The following NEMP2 variants were observed in gnomAD, a reference collection of about 807,000 sequenced individuals.
NEMP2 encodes nuclear envelope integral membrane protein 2.
A neutral mutation model predicts 54.2 loss-of-function variants in NEMP2; 53 were observed. The ratio of observed to expected loss-of-function variants is 0.98; its 90% CI spans 0.78 to 1.23. The LOEUF is 1.23. NEMP2 is among the 50% of genes most tolerant of loss of function. The probability of loss-of-function intolerance (pLI) is 0.00; values close to 1 mark genes in which losing one functional copy is unlikely to be tolerated. For synonymous variants in NEMP2, 197 were observed against 190.3 expected, an observed-to-expected ratio of 1.04 and a Z score of -0.29; for missense variants, 455 against 511.3, an observed-to-expected ratio of 0.89 and a Z score of 1.06.
chr2:190,584,789 T>C, the NEMP2 span, among the ~76,000 whole-genome samples: 1 of 151,940 alleles, frequency 6.6e-6, no homozygotes, highest in Non-Finnish European at 1.5e-5. This position sits in a 1 kb window ranked among gnomAD's most constrained non-coding sequence, Gnocchi z 4.2. Flanking sequence ...GGTGGGAGAA[T>C]AGCTTGAGCC....
At chr2:190,480,651 AG>A in the NEMP2 span, among the ~76,000 whole-genome samples, 1 of 152,230 alleles carries the variant, frequency 6.6e-6, no homozygotes, top group Non-Finnish European at 1.5e-5. Context: ...TAAAGTGCTA[AG>A]GCTTGAATTA....
At chr2:190,635,441 T>C in the NEMP2 span, among the ~76,000 whole-genome samples, 2 of 152,218 alleles carry the variant, frequency 1.3e-5, no homozygotes, top group South Asian at 4.2e-4. The surrounding 1 kb of genome is among the most constrained non-coding windows in gnomAD (Gnocchi z 4.1). Context: ...CTCAAACTCT[T>C]GGCCTCAAGA....
chr2:190,567,676 G>A, the NEMP2 span, among the ~76,000 whole-genome samples: 1 of 152,134 alleles, frequency 6.6e-6, no homozygotes, highest in African/African-American at 2.4e-5. The surrounding 1 kb of genome is among the most constrained non-coding windows in gnomAD (Gnocchi z 4.0). Context: ...TTGAGATGGA[G>A]TCTCGCTCTG....
the NEMP2 span, among the ~76,000 whole-genome samples, chr2:190,543,549 T>C: frequency 1.3e-5 from 2 of 152,302 alleles, no homozygotes; most frequent in South Asian, 4.2e-4. The surrounding 1 kb of genome is among the most constrained non-coding windows in gnomAD (Gnocchi z 4.7). Context: ...GACAGGCAGA[T>C]TGAGGAGAGG....
the NEMP2 span, among the ~76,000 whole-genome samples, chr2:190,613,363 C>A: frequency 4.6e-5 from 7 of 151,800 alleles, no homozygotes; most frequent in Non-Finnish European, 1.0e-4. Context: ...TTATTAAAAA[C>A]AAGCTATAAA....
the NEMP2 span, among the ~76,000 whole-genome samples, chr2:190,606,619 G>A: frequency 2.6e-5 from 4 of 152,338 alleles, no homozygotes; most frequent in South Asian, 8.3e-4. Flanking sequence ...GGCTGAGACA[G>A]GAGAATTGCT....
the NEMP2 span, among the ~76,000 whole-genome samples, chr2:190,545,554 C>T: frequency 6.6e-6 from 1 of 152,208 alleles, no homozygotes; most frequent in Non-Finnish European, 1.5e-5. Context: ...CCTTTCAATT[C>T]AGTTAAGACA....
At chr2:190,641,546 G>A in the NEMP2 span, 1 of 152,720 alleles carries the variant, frequency 6.5e-6, no homozygotes, top group Non-Finnish European at 1.5e-5. Flanking sequence ...GGTGGAGAAG[G>A]GTAAAGCCAA....
At chr2:190,477,035 C>T in the NEMP2 span, among the ~76,000 whole-genome samples, 1,678 of 124,664 alleles carry the variant, frequency 0.013, 47 homozygotes, top group African/African-American at 0.051. Flanking sequence ...AGGGGAACAT[C>T]ACACACTGGG....
At chr2:190,440,654 A>T in the NEMP2 span, among the ~76,000 whole-genome samples, 6 of 152,210 alleles carry the variant, frequency 3.9e-5, no homozygotes, top group African/African-American at 1.4e-4. Context: ...TATTTGATTT[A>T]AATTTATTTA....
chr2:190,466,369 C>T, the NEMP2 span, among the ~76,000 whole-genome samples: 6 of 152,178 alleles, frequency 3.9e-5, no homozygotes, highest in African/African-American at 1.4e-4. Context: ...AGTAAATATA[C>T]GTGTACTTCT....
chr2:190,527,393 T>C lies in NEMP2; in HGVS notation c.98-2015A>G, dbSNP rs1690976884. 6.6e-6 allele frequency among the ~76,000 whole-genome samples: 1 copy of C among 152,184 alleles called. No individual in the cohort carries two copies. Among genetic ancestry groups the C allele is most frequent in the Non-Finnish European group, 1.5e-5 (1 of 68,032 alleles). On this transcript the variant is annotated intron_variant, in intron 1 of 8. Coordinates refer to ENST00000409150, the MANE Select transcript of NEMP2 (RefSeq NM_001142645.2). This position sits in a 1 kb window ranked among gnomAD's most constrained non-coding sequence, Gnocchi z 4.0. ...AGACTTGGGGAAAGGATCCTGGGAATGCTCGCCATCTCCCAGAACACAACT... is the reference window on the plus strand; with the variant it reads ...AGACTTGGGGAAAGGATCCTGGGAACGCTCGCCATCTCCCAGAACACAACT...
chr2:190,614,417 G>A, the NEMP2 span, among the ~76,000 whole-genome samples: 2 of 152,046 alleles, frequency 1.3e-5, no homozygotes, highest in Admixed American at 6.6e-5. This position sits in a 1 kb window ranked among gnomAD's most constrained non-coding sequence, Gnocchi z 5.7. Context: ...TGCTCAAAAC[G>A]ACAAGATCCT....
At chr2:190,433,621 G>A in the NEMP2 span, among the ~76,000 whole-genome samples, 8 of 152,206 alleles carry the variant, frequency 5.3e-5, no homozygotes, top group Non-Finnish European at 7.4e-5. This position sits in a 1 kb window ranked among gnomAD's most constrained non-coding sequence, Gnocchi z 4.5. Context: ...TTTCACTTCA[G>A]TTAAATTTTT....
At chr2:190,602,914 A>C in the NEMP2 span, among the ~76,000 whole-genome samples, 34 of 152,184 alleles carry the variant, frequency 2.2e-4, no homozygotes, top group Non-Finnish European at 3.8e-4. Context: ...GGGAGAAATG[A>C]AGAGTCCTTG....
At chr2:190,534,999 G>C (rs1691323051), upstream of NEMP2, 1 of 208,936 alleles carries the variant, frequency 4.8e-6, no homozygotes, top group Admixed American at 5.9e-5. Context: ...GCCCGGCCGT[G>C]TCCCGCTGCC....
the NEMP2 span, among the ~76,000 whole-genome samples, chr2:190,568,292 G>A: frequency 2.6e-5 from 4 of 152,148 alleles, no homozygotes; most frequent in Non-Finnish European, 5.9e-5. This position sits in a 1 kb window ranked among gnomAD's most constrained non-coding sequence, Gnocchi z 4.7. Context: ...ATGTCACTAA[G>A]GAAATTAAAA....
the NEMP2 span, among the ~76,000 whole-genome samples, chr2:190,552,978 T>C: frequency 1.3e-5 from 2 of 151,950 alleles, no homozygotes; most frequent in Non-Finnish European, 2.9e-5. Context: ...CAAGTATTAA[T>C]GGAAACCAAA....
the NEMP2 span, among the ~76,000 whole-genome samples, chr2:190,483,224 G>A: frequency 6.6e-6 from 1 of 151,950 alleles, no homozygotes; most frequent in African/African-American, 2.4e-5. Context: ...AGCTTGTGGG[G>A]TATGTTTGAT....
Sources: allele counts gnomAD v4.1 joint callset (sites outside exome capture counted in the v4.1 genomes callset), GRCh38; gene constraint gnomAD v4.1.1; non-coding constraint Gnocchi (gnomAD v3.1); transcripts MANE v1.5; gene names NCBI Gene and HGNC (gene_info 2026-07-23, HGNC 2026-07-21).